Variants in SPAG16 observed in about 807,000 individuals in gnomAD.
The protein encoded by SPAG16 is sperm associated antigen 16.
Under a neutral mutation model 80.4 loss-of-function variants are expected in SPAG16, and 86 were observed. The observed-to-expected ratio is 1.07, with a 90% CI of 0.90 to 1.28. SPAG16 has a LOEUF of 1.28. Among genes scored for constraint, SPAG16 ranks in the 50% most tolerant of loss-of-function variants. SPAG16 has a pLI of 0.00. For synonymous variants in SPAG16, 294 were observed against 265.9 expected, an observed-to-expected ratio of 1.11 and a Z score of -1.03; for missense variants, 870 against 765.3, an observed-to-expected ratio of 1.14 and a Z score of -1.61.
chr2:213,731,015 T>C (rs1480324827), intron 10 of SPAG16, among the ~76,000 whole-genome samples: 1 of 152,064 alleles, frequency 6.6e-6, no homozygotes, highest in African/African-American at 2.4e-5. Context: ...TTATGGTTTC[T>C]TAGAGTTTTC....
chr2:213,517,155 T>C lies in SPAG16; in HGVS notation c.1070+27065T>C, dbSNP rs188363810. On this transcript the variant is annotated intron_variant, in intron 10 of 15. Transcript: ENST00000331683. ...CATACAAAAATTGGTAGTATTTCTA[T>C]ATACCAGTAATGCCCACGCTGAGAG... Among the ~76,000 whole-genome samples the C allele has an allele frequency of 5.3e-5, 8 of 152,258 alleles. No homozygotes were observed. The East Asian group carries it at 1.4e-3, about 26-fold the overall frequency.
intron 13 of SPAG16, among the ~76,000 whole-genome samples, chr2:214,017,971 T>C (rs898528447): frequency 2.0e-5 from 3 of 152,236 alleles, no homozygotes; most frequent in African/African-American, 7.2e-5. Flanking sequence ...AAATGCATCA[T>C]TAATTAGAAA....
intron 14 of SPAG16, among the ~76,000 whole-genome samples, chr2:214,135,803 C>A (rs1362752676): frequency 6.6e-6 from 1 of 151,850 alleles, no homozygotes; most frequent in Non-Finnish European, 1.5e-5. Flanking sequence ...GCTCCCCTTG[C>A]CTTCTGCCAT....
chr2:213,847,656 G>A (rs376829434), intron 10 of SPAG16, among the ~76,000 whole-genome samples: 1 of 152,148 alleles, frequency 6.6e-6, no homozygotes, highest in African/African-American at 2.4e-5. Context: ...TTTGGGTGGG[G>A]ACAAATATCC....
intron 15 of SPAG16, among the ~76,000 whole-genome samples, chr2:214,166,805 A>G (rs1478398960): frequency 6.6e-6 from 1 of 152,170 alleles, no homozygotes; most frequent in Non-Finnish European, 1.5e-5. Flanking sequence ...TCTAAAGTGA[A>G]TATATAACGA....
chr2:213,945,923 C>CT (rs1468044306), intron 12 of SPAG16, among the ~76,000 whole-genome samples: 1 of 152,176 alleles, frequency 6.6e-6, no homozygotes, highest in African/African-American at 2.4e-5. Flanking sequence ...AATACACCTT[C>CT]TTTTTAGCCC....
intron 10 of SPAG16, among the ~76,000 whole-genome samples, chr2:213,834,913 G>A (rs77132199): frequency 6.6e-6 from 1 of 152,072 alleles, no homozygotes; most frequent in Non-Finnish European, 1.5e-5. Flanking sequence ...ATTCTTGTGG[G>A]GTTGGGCAGA....
chr2:214,107,814 C>T (rs1386051231), intron 13 of SPAG16, among the ~76,000 whole-genome samples: 2 of 152,060 alleles, frequency 1.3e-5, no homozygotes, highest in Non-Finnish European at 2.9e-5. Flanking sequence ...CACTGCCTAC[C>T]CCCAGCAGCA....
chr2:213,888,462 G>A (rs111722107), intron 11 of SPAG16, among the ~76,000 whole-genome samples: 2,811 of 151,746 alleles, frequency 0.019, 90 homozygotes, highest in African/African-American at 0.065. Context: ...ATTCTTTGAT[G>A]ACTGACAGTA....
intron 10 of SPAG16, among the ~76,000 whole-genome samples, chr2:213,765,400 A>C (rs2068882402): frequency 6.6e-6 from 1 of 152,146 alleles, no homozygotes; most frequent in Non-Finnish European, 1.5e-5. Context: ...AAAAAGATTA[A>C]AACAGAAATT....
intron 9 of SPAG16, among the ~76,000 whole-genome samples, chr2:213,483,196 C>T (rs2073833185): frequency 6.6e-6 from 1 of 151,916 alleles, no homozygotes. Flanking sequence ...AATTAAACAC[C>T]CTTTATTTGA....
intron 9 of SPAG16, among the ~76,000 whole-genome samples, chr2:213,444,695 T>A (rs2071185272): frequency 6.6e-6 from 1 of 152,102 alleles, no homozygotes; most frequent in South Asian, 2.1e-4. Flanking sequence ...TTGTAGCAAT[T>A]TTTTAAAAAA....
intron 9 of SPAG16, among the ~76,000 whole-genome samples, chr2:213,404,201 A>G (rs1037319943): frequency 1.2e-4 from 18 of 152,198 alleles, no homozygotes; most frequent in Non-Finnish European, 2.2e-4. Flanking sequence ...GAATTGGAAA[A>G]AACTACTTTA....
intron 9 of SPAG16, among the ~76,000 whole-genome samples, chr2:213,406,713 G>T (rs1469437490): frequency 6.6e-6 from 1 of 152,112 alleles, no homozygotes; most frequent in Non-Finnish European, 1.5e-5. Flanking sequence ...TTGCCTTGCT[G>T]AGAATTAAAA....
chr2:214,240,357 C>T (rs577321102), intron 15 of SPAG16: 2 of 152,270 alleles, frequency 1.3e-5, no homozygotes, highest in South Asian at 4.1e-4. Context: ...GGCACTTTCT[C>T]TTAGGAATGT....
intron 11 of SPAG16, among the ~76,000 whole-genome samples, chr2:213,888,758 G>A (rs2076666099): frequency 6.6e-6 from 1 of 151,948 alleles, no homozygotes; most frequent in Middle Eastern, 3.4e-3. Context: ...GAATAGAGCT[G>A]AGGGCACATA....
chr2:213,788,509 G>T (rs1451662474), intron 10 of SPAG16, among the ~76,000 whole-genome samples: 1 of 151,722 alleles, frequency 6.6e-6, no homozygotes, highest in South Asian at 2.1e-4. Context: ...AAGATTCTTT[G>T]TTATTTATTT....
At chr2:213,986,228 A>T (rs1413752310) in intron 12 of SPAG16, among the ~76,000 whole-genome samples, 2 of 152,192 alleles carry the variant, frequency 1.3e-5, no homozygotes, top group Middle Eastern at 3.4e-3. Context: ...GCGTCCAGGA[A>T]GGCATTTTAA....
chr2:214,038,645 A>C (rs1289953249), intron 13 of SPAG16, among the ~76,000 whole-genome samples: 1 of 151,926 alleles, frequency 6.6e-6, no homozygotes, highest in Non-Finnish European at 1.5e-5. Context: ...GCACCCAGTA[A>C]CTGGTCATTT....
Sources: allele counts gnomAD v4.1 joint callset (sites outside exome capture counted in the v4.1 genomes callset), GRCh38; gene constraint gnomAD v4.1.1; transcripts MANE v1.5; gene names NCBI Gene and HGNC (gene_info 2026-07-23, HGNC 2026-07-21).